GPA33: variants seen among roughly 807,000 people sequenced by gnomAD.
GPA33 encodes the protein glycoprotein A33.
Under a neutral mutation model 35.6 loss-of-function variants are expected in GPA33, and 27 were observed. The observed-to-expected ratio is 0.76, with a 90% CI of 0.56 to 1.04. GPA33 has a LOEUF of 1.04. Among genes scored for constraint, GPA33 ranks in the 50% least tolerant of loss-of-function variants. The pLI is 0.00. For synonymous variants in GPA33, 176 were observed against 164.0 expected (o/e 1.07, Z -0.56); for missense variants, 428 against 411.9 (o/e 1.04, Z -0.34).
chr1:167,056,551 G>C (rs980063576), intron 4 of GPA33, among the ~76,000 whole-genome samples: 3 of 64,332 alleles, frequency 4.7e-5, no homozygotes, highest in African/African-American at 1.6e-4. Flanking sequence ...TGAGAGTAGT[G>C]TGTGTATGGT....
At position 167,054,482 on chromosome 1, in the gene GPA33, G is replaced by T; in HGVS notation, c.828-16C>A. 6.2e-7 allele frequency: 1 copy of T among 1,613,996 alleles called. No homozygotes were observed. The highest frequency in any genetic ancestry group is 8.5e-7 in the Non-Finnish European group (1 of 1,179,982). On this transcript the variant is annotated splice_polypyrimidine_tract_variant and intron_variant, in intron 6 of 6. Transcript: ENST00000367868. ...TTCCCGGTTCCTGCAGGGCAGCAGG[G>T]GACAGAGGGGAAGGATTTGCTCTCA...
At chr1:167,089,007 A>G (rs1667107438) in intron 1 of GPA33, among the ~76,000 whole-genome samples, 1 of 152,184 alleles carries the variant, frequency 6.6e-6, no homozygotes, top group Admixed American at 6.5e-5. Flanking sequence ...GTGCTCAGTA[A>G]AGAGTTGTTT....
intron 1 of GPA33, among the ~76,000 whole-genome samples, chr1:167,088,578 G>C (rs74575340): frequency 6.6e-6 from 1 of 152,262 alleles, no homozygotes; most frequent in African/African-American, 2.4e-5. Context: ...CCCAAGACTC[G>C]TTCTGCTGGG....
chr1:167,056,655 GTGGTACGGTGA>G (rs1666275002), intron 4 of GPA33, among the ~76,000 whole-genome samples: 1 of 21,854 alleles, frequency 4.6e-5, no homozygotes, highest in African/African-American at 1.5e-4. Flanking sequence ...TGTAGTGTGT[GTGGTACGGTGA>G]GTGTGTGATG....
intron 1 of GPA33, chr1:167,082,138 A>G (rs1571319606): frequency 1.2e-5 from 5 of 411,060 alleles, no homozygotes; most frequent in Non-Finnish European, 2.4e-5. Context: ...GCAGGATGCA[A>G]AACTGTGCAT....
chr1:167,058,256 T>A (rs1215238999), intron 4 of GPA33: 1 of 152,212 alleles, frequency 6.6e-6, no homozygotes, highest in African/African-American at 2.4e-5. Context: ...ATGCTCCTTA[T>A]AATAATTTAT....
intron 1 of GPA33, chr1:167,082,313 T>A (rs751312417): frequency 2.2e-6 from 1 of 456,282 alleles, no homozygotes; most frequent in South Asian, 1.5e-5. Flanking sequence ...CCAAATGCTC[T>A]GCAACAAACA....
intron 3 of GPA33, among the ~76,000 whole-genome samples, chr1:167,067,990 G>A (rs371114235): frequency 3.6e-3 from 553 of 152,126 alleles, no homozygotes; most frequent in South Asian, 7.5e-3. Flanking sequence ...TATACAATGC[G>A]AGTTTGCATA....
chr1:167,077,671 G>A (rs981305999), intron 1 of GPA33, among the ~76,000 whole-genome samples: 2 of 152,148 alleles, frequency 1.3e-5, no homozygotes, highest in African/African-American at 4.8e-5. Flanking sequence ...TTTAGACAAT[G>A]GAGTGTCTAA....
At chr1:167,079,034 C>A (rs912020234) in intron 1 of GPA33, among the ~76,000 whole-genome samples, 1 of 152,046 alleles carries the variant, frequency 6.6e-6, no homozygotes, top group African/African-American at 2.4e-5. Context: ...GCAGCACTCA[C>A]CATCACCATG....
At chr1:167,069,450 C>T (rs1486907803) in intron 2 of GPA33, among the ~76,000 whole-genome samples, 1 of 152,230 alleles carries the variant, frequency 6.6e-6, no homozygotes, top group Non-Finnish European at 1.5e-5. Context: ...CGGCATCTCT[C>T]TTATCCATTC....
chr1:167,079,027 G>A (rs1212666602), intron 1 of GPA33, among the ~76,000 whole-genome samples: 1 of 152,148 alleles, frequency 6.6e-6, no homozygotes, highest in Non-Finnish European at 1.5e-5. Context: ...ACAAGAGGCA[G>A]CACTCACCAT....
chr1:167,055,223 T>C (rs186221394), intron 5 of GPA33, 112 bp from the exon 6 acceptor site: 92 of 1,034,126 alleles, frequency 8.9e-5, no homozygotes, highest in Middle Eastern at 5.8e-4. Flanking sequence ...ATGAAAGGCA[T>C]GGTCTTGGAG....
At chr1:167,062,679 C>T in intron 4 of GPA33, among the ~76,000 whole-genome samples, 1 of 87,008 alleles carries the variant, frequency 1.1e-5, no homozygotes, top group Admixed American at 1.8e-4. Context: ...AGTTTCCTGA[C>T]TGAAAGGTCC....
At chr1:167,084,974 C>G (rs1255990461) in intron 1 of GPA33, among the ~76,000 whole-genome samples, 1 of 152,174 alleles carries the variant, frequency 6.6e-6, no homozygotes, top group Non-Finnish European at 1.5e-5. Context: ...GGGAAAGACC[C>G]AGGTTTGGGG....
intron 2 of GPA33, 51 bp downstream of exon 2, chr1:167,073,333 TG>T: frequency 6.7e-7 from 1 of 1,494,010 alleles, no homozygotes; most frequent in Non-Finnish European, 9.3e-7. Flanking sequence ...TAAGAGGTCC[TG>T]GTCAGGTGAT....
chr1:167,079,267 C>T (rs796395079), intron 1 of GPA33, among the ~76,000 whole-genome samples: 7 of 152,022 alleles, frequency 4.6e-5, no homozygotes, highest in African/African-American at 9.6e-5. Flanking sequence ...CTAAGGCGGG[C>T]GGATTGCCTG....
chr1:167,072,885 T>C (rs1436754341), intron 2 of GPA33, among the ~76,000 whole-genome samples: 1 of 151,412 alleles, frequency 6.6e-6, no homozygotes, highest in Non-Finnish European at 1.5e-5. Flanking sequence ...GGATAGAGGA[T>C]GAGGGTGTGG....
chr1:167,062,651 T>C (rs930431894), intron 4 of GPA33, among the ~76,000 whole-genome samples: 2 of 140,640 alleles, frequency 1.4e-5, no homozygotes, highest in African/African-American at 2.6e-5. Flanking sequence ...TCTTTCTTTT[T>C]TTTTTTTTTT....
Sources: allele counts gnomAD v4.1 joint callset (sites outside exome capture counted in the v4.1 genomes callset), GRCh38; gene constraint gnomAD v4.1.1; transcripts MANE v1.5; gene names NCBI Gene and HGNC (gene_info 2026-07-23, HGNC 2026-07-21).